The following VAT1L variants were observed in gnomAD, a reference collection of about 807,000 sequenced individuals.
VAT1L encodes putative NADPH-dependent quinone oxidoreductase VAT1L.
In VAT1L, 34 loss-of-function variants were observed where a neutral mutation model predicts 44.1. The ratio of observed to expected loss-of-function variants is 0.77; its 90% CI spans 0.59 to 1.03. The LOEUF (loss-of-function observed/expected upper bound fraction) is 1.03, where lower values mean the gene tolerates loss of function less well. VAT1L is among the 50% of genes least tolerant of loss of function. The pLI, the probability that VAT1L is intolerant of heterozygous loss-of-function variation, is 0.00. For synonymous variants in VAT1L, 253 were observed against 202.2 expected (o/e 1.25, Z -2.13); for missense variants, 615 against 538.8 (o/e 1.14, Z -1.40).
At chr16:77,904,294 A>G (rs371426932) in intron 7 of VAT1L, among the ~76,000 whole-genome samples, 5 of 151,406 alleles carry the variant, frequency 3.3e-5, no homozygotes, top group African/African-American at 1.2e-4. Context: ...TAATTTTAAC[A>G]TGATTTTTTG....
intron 7 of VAT1L, among the ~76,000 whole-genome samples, chr16:77,955,086 C>G (rs1485735748): frequency 6.6e-6 from 1 of 152,168 alleles, no homozygotes. Context: ...CTTCCTCGTT[C>G]TTGGGAAAGA....
chr16:77,948,109 G>A (rs2017992862), intron 7 of VAT1L, among the ~76,000 whole-genome samples: 1 of 152,146 alleles, frequency 6.6e-6, no homozygotes, highest in Admixed American at 6.5e-5. Context: ...TCTAAACTGA[G>A]TAATTTCCTC....
At chr16:77,964,622 C>A (rs2018201760) in intron 7 of VAT1L, among the ~76,000 whole-genome samples, 2 of 152,208 alleles carry the variant, frequency 1.3e-5, no homozygotes, top group South Asian at 4.1e-4. Flanking sequence ...AGGTAACAAA[C>A]ATATCCTCAG....
chr16:77,958,020 T>A (rs2018122239), intron 7 of VAT1L, among the ~76,000 whole-genome samples: 1 of 152,038 alleles, frequency 6.6e-6, no homozygotes, highest in Non-Finnish European at 1.5e-5. Flanking sequence ...TGATTCTCCT[T>A]CTTCTGCCTT....
At chr16:77,806,110 G>T (rs533811494) in intron 1 of VAT1L, among the ~76,000 whole-genome samples, 2 of 151,916 alleles carry the variant, frequency 1.3e-5, no homozygotes, top group South Asian at 4.2e-4. Flanking sequence ...TGATCTGCCT[G>T]CCTTGGCCTC....
In VAT1L at chr16:77,825,275, T is replaced by C. The variant is rs2016505421; in HGVS notation, c.393T>C (p.Asn131=). The C allele has an allele frequency of 1.9e-6, 3 of 1,614,168 alleles. No individual in the cohort carries two copies. The highest frequency in any genetic ancestry group is 2.5e-6 in the Non-Finnish European group (3 of 1,180,036). ...GAGACCGTGTCATGGCATTTGTCAA[T>C]TACAATGCCTGGGCAGAGGTGGTCT... ...EIGDRVMAFV[N]YNAWAEVVCT... The change falls in exon 3 of 9, where the codon AAT becomes AAC. Residue 131 remains asparagine (N), a synonymous_variant. Transcript: ENST00000302536.
chr16:77,892,653 T>C (rs1008861060), intron 7 of VAT1L: 5 of 709,136 alleles, frequency 7.1e-6, no homozygotes, highest in Admixed American at 3.5e-5. Context: ...GGCAACTCCA[T>C]CTATGGAGAG....
rs1203244928 is a variant in VAT1L at position 77,879,537 on chromosome 16, C to T, written c.882+313C>T. Among the ~76,000 whole-genome samples, 3 of 152,228 alleles carry T rather than the reference C, an allele frequency of 2.0e-5. No homozygotes were observed. The highest frequency in any genetic ancestry group is 2.9e-5 in the Non-Finnish European group (2 of 68,046). ...ATCTGACCTCGTGATCTGCCCGCCT[C>T]AGCCTCCCAAAGTGCTGGGATTACA... On this transcript the variant is annotated intron_variant, in intron 6 of 8. Coordinates refer to ENST00000302536, the MANE Select transcript of VAT1L (RefSeq NM_020927.3). This position sits in a 1 kb window ranked among gnomAD's most constrained non-coding sequence, Gnocchi z 4.1.
chr16:77,790,086 C>T (rs1210350117), intron 1 of VAT1L, among the ~76,000 whole-genome samples: 1 of 152,222 alleles, frequency 6.6e-6, no homozygotes, highest in South Asian at 2.1e-4. Context: ...ATCTGGACCT[C>T]TCTAGAGGCA....
chr16:77,820,349 G>C (rs985329461), intron 2 of VAT1L, among the ~76,000 whole-genome samples: 1 of 152,166 alleles, frequency 6.6e-6, no homozygotes, highest in African/African-American at 2.4e-5. Flanking sequence ...CTTCCAGCTA[G>C]ATGAACCAGT....
intron 7 of VAT1L, among the ~76,000 whole-genome samples, chr16:77,939,803 A>G (rs1361975156): frequency 6.6e-6 from 1 of 152,198 alleles, no homozygotes; most frequent in East Asian, 1.9e-4. Context: ...ACCCTCAGAA[A>G]CTGATGAGTT....
At chr16:77,940,862 T>A (rs1417629052) in intron 7 of VAT1L, among the ~76,000 whole-genome samples, 8 of 152,094 alleles carry the variant, frequency 5.3e-5, no homozygotes, top group Non-Finnish European at 1.5e-5. Flanking sequence ...TTTGCATTTC[T>A]CCCTCTCAAT....
At chr16:77,923,504 T>G (rs1009594915) in intron 7 of VAT1L, among the ~76,000 whole-genome samples, 1 of 152,154 alleles carries the variant, frequency 6.6e-6, no homozygotes, top group Non-Finnish European at 1.5e-5. Context: ...TCTTAAAATC[T>G]TGGTCCCTGG....
intron 3 of VAT1L, among the ~76,000 whole-genome samples, chr16:77,859,805 G>T (rs926101363): frequency 2.6e-5 from 4 of 152,178 alleles, no homozygotes; most frequent in African/African-American, 7.2e-5. Context: ...TAACGCTGGG[G>T]AATGGTGCAG....
intron 7 of VAT1L, among the ~76,000 whole-genome samples, chr16:77,925,254 AC>A (rs964393237): frequency 1.3e-5 from 2 of 151,904 alleles, no homozygotes; most frequent in Non-Finnish European, 2.9e-5. Flanking sequence ...TAAATTTTAC[AC>A]CCCCTGGTCT....
intron 7 of VAT1L, among the ~76,000 whole-genome samples, chr16:77,964,660 T>C (rs1178536339): frequency 6.6e-6 from 1 of 152,172 alleles, no homozygotes; most frequent in African/African-American, 2.4e-5. Flanking sequence ...ATGGATGGGT[T>C]GGGAGTGTGA....
At chr16:77,791,342 C>T (rs1382312714) in intron 1 of VAT1L, among the ~76,000 whole-genome samples, 1 of 152,056 alleles carries the variant, frequency 6.6e-6, no homozygotes, top group African/African-American at 2.4e-5. Context: ...AAGCATAGTC[C>T]ATTTGAACCA....
intron 7 of VAT1L, among the ~76,000 whole-genome samples, chr16:77,908,168 G>T (rs1349902748): frequency 6.6e-6 from 1 of 151,792 alleles, no homozygotes; most frequent in Non-Finnish European, 1.5e-5. Flanking sequence ...GAACCCGGGA[G>T]GTGGAGCTTG....
At chr16:77,961,835 C>T (rs996966006) in intron 7 of VAT1L, among the ~76,000 whole-genome samples, 1 of 152,210 alleles carries the variant, frequency 6.6e-6, no homozygotes, top group African/African-American at 2.4e-5. Context: ...AAACACTTAG[C>T]ATCTCGGAAC....
Sources: allele counts gnomAD v4.1 joint callset (sites outside exome capture counted in the v4.1 genomes callset), GRCh38; gene constraint gnomAD v4.1.1; non-coding constraint Gnocchi (gnomAD v3.1); transcripts MANE v1.5; gene names NCBI Gene and HGNC (gene_info 2026-07-23, HGNC 2026-07-21).